Variants in DPH6 observed in about 807,000 individuals in gnomAD.
DPH6 encodes the protein diphthine--ammonia ligase.
Under a neutral mutation model 38.2 loss-of-function variants are expected in DPH6, and 33 were observed. The observed-to-expected ratio is 0.86, with a 90% confidence interval of 0.65 to 1.15. The LOEUF is 1.15. Ranked by LOEUF, DPH6 falls within the 50% of genes most tolerant of loss-of-function variation. The pLI is 0.00. For missense variants in DPH6, 325 were observed against 320.0 expected, an observed-to-expected ratio of 1.02 and a Z score of -0.12; for synonymous variants, 108 against 103.0, an observed-to-expected ratio of 1.05 and a Z score of -0.30.
At chr15:35,518,452 A>G (rs2054877380) in intron 3 of DPH6, among the ~76,000 whole-genome samples, 1 of 152,044 alleles carries the variant, frequency 6.6e-6, no homozygotes, top group African/African-American at 2.4e-5. Flanking sequence ...AAGTATTTTC[A>G]GATACACTAA....
At chr15:35,280,950 T>G (rs1401862566) in intron 3 of DPH6, among the ~76,000 whole-genome samples, 1 of 152,190 alleles carries the variant, frequency 6.6e-6, no homozygotes, top group Admixed American at 6.5e-5. Context: ...ATATATTTTT[T>G]GTGACTTTTT....
In DPH6 at chr15:35,521,564, A is replaced by G. The variant is rs2054923443; in HGVS notation, c.312+16710T>C. The G allele has an allele frequency of 2.4e-6, 3 of 1,225,982 alleles. No individual in the cohort carries two copies. The Admixed American group carries it at 1.3e-4, about 52-fold the overall frequency. 75.9% of individuals were successfully genotyped at this position (1,225,982 alleles called of 1,614,324 possible). ...AGAAATCTAAGAGAAAGTGTCATGA[A>G]CTGTGAGAAAATGTATTTGCAATAT... On this transcript the variant is annotated intron_variant, in intron 3 of 8. Transcript: ENST00000256538.
At chr15:35,283,047 CCTTCTTCT>C (rs1566858973) in intron 3 of DPH6, 79 of 169,936 alleles carry the variant, frequency 4.6e-4, no homozygotes, top group African/African-American at 2.0e-3. Flanking sequence ...TCTTCTTCTT[CCTTCTTCT>C]TCCTTCTTCT....
chr15:35,545,305 T>C (rs1341170537), intron 1 of DPH6, among the ~76,000 whole-genome samples: 3 of 152,214 alleles, frequency 2.0e-5, no homozygotes, highest in African/African-American at 4.8e-5. Flanking sequence ...TATGGAAATA[T>C]TTAAGCAGGT....
At position 35,387,751 on chromosome 15, in the gene DPH6, A is replaced by T. The variant is rs560107475; in HGVS notation, c.568-5835T>A. 2.0e-5 allele frequency among the ~76,000 whole-genome samples: 3 copies of T among 152,236 alleles called. No individual in the cohort carries two copies. The East Asian group carries it at 5.8e-4, about 29-fold the overall frequency. ...CTTAAGGAGATTTTGGGCTGAGACG[A>T]TGGGGTTTTCTAGATATACAATCAT... is the stretch of plus-strand genomic sequence containing the variant. On this transcript the variant is annotated intron_variant, in intron 6 of 8. Coordinates refer to ENST00000256538, the MANE Select transcript of DPH6 (RefSeq NM_080650.4).
chr15:35,379,365 G>C (rs1392117521), intron 7 of DPH6, among the ~76,000 whole-genome samples: 1 of 152,160 alleles, frequency 6.6e-6, no homozygotes, highest in African/African-American at 2.4e-5. Context: ...TAAATGATTA[G>C]TTGCGTGCTA....
intron 3 of DPH6, among the ~76,000 whole-genome samples, chr15:35,344,647 T>C (rs1038336722): frequency 3.9e-5 from 6 of 152,022 alleles, no homozygotes; most frequent in African/African-American, 1.2e-4. Flanking sequence ...ATACATTGTA[T>C]TTCCATGTTT....
At chr15:35,216,910 G>C (rs1028352208), downstream of DPH6, among the ~76,000 whole-genome samples, 3 of 152,190 alleles carry the variant, frequency 2.0e-5, no homozygotes, top group African/African-American at 7.2e-5. Flanking sequence ...TGTGATTCTA[G>C]ATGAGATGTA....
At chr15:35,541,017 G>A (rs1484862639) in intron 2 of DPH6, among the ~76,000 whole-genome samples, 1 of 152,044 alleles carries the variant, frequency 6.6e-6, no homozygotes, top group African/African-American at 2.4e-5. Flanking sequence ...TTATAATACA[G>A]AAGTTAGAGT....
intron 3 of DPH6, among the ~76,000 whole-genome samples, chr15:35,364,595 A>G (rs1346662872): frequency 1.3e-5 from 2 of 152,130 alleles, no homozygotes; most frequent in African/African-American, 4.8e-5. Flanking sequence ...ATTTTCATTT[A>G]GCACTATAAA....
intron 3 of DPH6, among the ~76,000 whole-genome samples, chr15:35,518,227 G>C (rs1052215716): frequency 1.3e-5 from 2 of 152,050 alleles, no homozygotes; most frequent in Non-Finnish European, 2.9e-5. Flanking sequence ...TACATAAACT[G>C]TAAGGACCAA....
rs34671914 is a variant in DPH6 at position 35,238,267 on chromosome 15, C to CAA, written n.201-17687_201-17686dup. ...TGGAATAAAATACTATTTTTACTGC[C>CAA]AAAAAAAAAAAAATGACCATTAAGC... is the stretch of plus-strand genomic sequence containing the variant. On this transcript the variant is annotated intron_variant and non_coding_transcript_variant, in intron 3 of 3. Transcript: ENST00000560386. 1,171 of 234,722 alleles carry CAA rather than the reference C, an allele frequency of 5.0e-3. 5 individuals carry two copies. The highest frequency in any genetic ancestry group is 0.018 in the East Asian group (176 of 9,922). 14.5% of individuals were successfully genotyped at this position (234,722 alleles called of 1,614,324 possible).
intron 3 of DPH6, among the ~76,000 whole-genome samples, chr15:35,534,405 ACAC>A (rs1250199061): frequency 2.0e-5 from 3 of 151,566 alleles, no homozygotes; most frequent in African/African-American, 7.3e-5. Context: ...AGAAAAGAAA[ACAC>A]CAGTATTTCA....
chr15:35,477,055 C>A (rs2054272252), intron 3 of DPH6, among the ~76,000 whole-genome samples: 1 of 151,584 alleles, frequency 6.6e-6, no homozygotes, highest in East Asian at 1.9e-4. Flanking sequence ...ATTATATGTA[C>A]AAAGACAAGA....
At chr15:35,453,357 T>C (rs1323571557) in intron 4 of DPH6, among the ~76,000 whole-genome samples, 2 of 152,142 alleles carry the variant, frequency 1.3e-5, no homozygotes, top group Non-Finnish European at 2.9e-5. Flanking sequence ...TTTTTAACTT[T>C]CATAAATAGA....
intron 3 of DPH6, among the ~76,000 whole-genome samples, chr15:35,260,621 TTC>T (rs1391751324): frequency 6.6e-6 from 1 of 152,008 alleles, no homozygotes; most frequent in African/African-American, 2.4e-5. Flanking sequence ...AATGAAGTGA[TTC>T]TATGCAGTGA....
At chr15:35,185,964 G>A in the DPH6 span, among the ~76,000 whole-genome samples, 6,530 of 151,986 alleles carry the variant, frequency 0.043, 369 homozygotes, top group East Asian at 0.3. Flanking sequence ...TCGATCTCCT[G>A]ACCTCGTGAT....
chr15:35,205,824 T>C, the DPH6 span, among the ~76,000 whole-genome samples: 1 of 152,114 alleles, frequency 6.6e-6, no homozygotes, highest in Non-Finnish European at 1.5e-5. Context: ...TTTTTAACCT[T>C]TGTAATATTT....
chr15:35,245,529 C>CGCTGGCGGGTCATT (rs1296790006), intron 3 of DPH6, among the ~76,000 whole-genome samples: 52 of 152,238 alleles, frequency 3.4e-4, no homozygotes, highest in Middle Eastern at 3.4e-3. Flanking sequence ...TGAGCCACCA[C>CGCTGGCGGGTCATT]GCTGGCGGGT....
Sources: allele counts gnomAD v4.1 joint callset (sites outside exome capture counted in the v4.1 genomes callset), GRCh38; gene constraint gnomAD v4.1.1; transcripts MANE v1.5; gene names NCBI Gene and HGNC (gene_info 2026-07-23, HGNC 2026-07-21).